Variants in SLC38A11 observed in about 807,000 individuals in gnomAD.
The protein encoded by SLC38A11 is putative sodium-coupled neutral amino acid transporter 11.
Under a neutral mutation model 49.4 loss-of-function variants are expected in SLC38A11, and 51 were observed. The ratio of observed to expected loss-of-function variants is 1.03; its 90% confidence interval spans 0.83 to 1.30. The LOEUF (loss-of-function observed/expected upper bound fraction) is 1.30, where lower values mean the gene tolerates loss of function less well. Among genes scored for constraint, SLC38A11 ranks in the 50% most tolerant of loss-of-function variants. The pLI is 0.00. For missense variants in SLC38A11, 574 were observed against 556.2 expected (o/e 1.03, Z -0.32); for synonymous variants, 203 against 192.9 (o/e 1.05, Z -0.43).
chr2:164,909,744 C>T (rs1283213630), intron 10 of SLC38A11, among the ~76,000 whole-genome samples: 1 of 151,674 alleles, frequency 6.6e-6, no homozygotes, highest in Non-Finnish European at 1.5e-5. Flanking sequence ...TGACCCTGTG[C>T]AAAAGAACAG....
At chr2:164,952,650 G>A in intron 3 of SLC38A11, 57 bp downstream of exon 3, 2 of 1,011,976 alleles carry the variant, frequency 2.0e-6, no homozygotes, top group Non-Finnish European at 3.2e-6. Context: ...GTGTGTGTAT[G>A]TGTGTAGTTA....
At chr2:164,953,843 TTTC>T (rs962189124) in intron 2 of SLC38A11, among the ~76,000 whole-genome samples, 1 of 152,196 alleles carries the variant, frequency 6.6e-6, no homozygotes, top group African/African-American at 2.4e-5. Context: ...AGGATTTTGT[TTTC>T]TTCTTGTCTT....
chr2:164,915,642 T>C, intron 8 of SLC38A11: 1 of 448,188 alleles, frequency 2.2e-6, no homozygotes, highest in South Asian at 5.9e-5. Context: ...TAACACTTGC[T>C]AGCCTTCCAA....
chr2:164,908,873 CA>C (rs1685208245), intron 10 of SLC38A11, 102 bp from the exon 11 acceptor site: 2 of 1,262,296 alleles, frequency 1.6e-6, no homozygotes, highest in South Asian at 3.4e-5. Flanking sequence ...AAAATACTAC[CA>C]ACAAGGCTAT....
intron 3 of SLC38A11, among the ~76,000 whole-genome samples, chr2:164,952,502 C>T (rs989258859): frequency 6.6e-6 from 1 of 152,182 alleles, no homozygotes. Flanking sequence ...ATATATAATG[C>T]TTTTCTACTT....
intron 3 of SLC38A11, among the ~76,000 whole-genome samples, chr2:164,948,648 A>G (rs1688301231): frequency 6.6e-6 from 1 of 152,226 alleles, no homozygotes; most frequent in African/African-American, 2.4e-5. Context: ...AAAGTAAAAC[A>G]TGAACACCTA....
At chr2:164,936,906 T>C (rs187204026) in intron 7 of SLC38A11, among the ~76,000 whole-genome samples, 173 of 152,292 alleles carry the variant, frequency 1.1e-3, no homozygotes, top group South Asian at 7.2e-3. Context: ...TCACAAATGA[T>C]GTAGTATTTT....
intron 7 of SLC38A11, among the ~76,000 whole-genome samples, chr2:164,936,689 A>T (rs1425148737): frequency 2.0e-5 from 3 of 152,108 alleles, no homozygotes; most frequent in Non-Finnish European, 4.4e-5. Context: ...GTGACTATAA[A>T]CTGCCCAGTC....
chr2:164,920,970 G>A (rs1559103726), intron 7 of SLC38A11, among the ~76,000 whole-genome samples: 1 of 151,806 alleles, frequency 6.6e-6, no homozygotes, highest in Non-Finnish European at 1.5e-5. Context: ...AAGCTAAACT[G>A]GACATCCAGA....
chr2:164,915,866 C>T, intron 8 of SLC38A11, 37 bp downstream of exon 8: 1 of 1,512,920 alleles, frequency 6.6e-7, no homozygotes, highest in African/African-American at 1.4e-5. Context: ...ACAGAGAACT[C>T]CACATTGAGA....
chr2:164,954,778 C>G, intron 1 of SLC38A11, 33 bp from the exon 2 acceptor site: 1 of 1,120,806 alleles, frequency 8.9e-7, no homozygotes. Context: ...TAAGCAAATA[C>G]TAGTTCAGAA....
rs765393324 is a variant in SLC38A11, at chr2:164,945,653, T to C, written c.304A>G (p.Thr102Ala). Residue 102 changes from threonine (T) to alanine (A), a missense_variant, in exon 4 of 12, where the codon ACT becomes GCT. Physicochemically the swap from Thr to Ala is moderately conservative, Grantham distance 58. Coordinates refer to ENST00000685975, the MANE Select transcript of SLC38A11 (RefSeq NM_001351537.2). ...AGCAGATACCCTGGAAAGCCGAAAG[T>C]TTTATTGACCAAAGACTGGTAGGTA... ...TDTYQSLVNK[T>A]FGFPGYLLLS... 6.8e-6 allele frequency: 11 copies of C among 1,611,490 alleles called. No individual in the cohort carries two copies. The highest frequency in any genetic ancestry group is 9.3e-6 in the Non-Finnish European group (11 of 1,179,436).
intron 5 of SLC38A11, among the ~76,000 whole-genome samples, chr2:164,940,303 G>A (rs1687677803): frequency 6.7e-6 from 1 of 149,122 alleles, no homozygotes; most frequent in Admixed American, 6.7e-5. Flanking sequence ...CACATAAACA[G>A]AAGTTTTAAA....
intron 3 of SLC38A11, among the ~76,000 whole-genome samples, chr2:164,952,192 T>C (rs143616057): frequency 1.3e-5 from 2 of 152,256 alleles, no homozygotes; most frequent in East Asian, 3.9e-4. Context: ...GAAGATGTGA[T>C]ACAGAAGCAA....
chr2:164,942,432 C>CAAA (rs138965956), intron 5 of SLC38A11, among the ~76,000 whole-genome samples: 7,062 of 103,154 alleles, frequency 0.068, 287 homozygotes, highest in Admixed American at 0.098. Context: ...GACTCTGTCT[C>CAAA]AAAAAAAAAA....
rs1476765548 is a variant in SLC38A11, at chr2:164,904,005, A to G, written c.1095+4635T>C. ...ATCTAAACTCATGAAATTCACTCCA[A>G]TACTTCAAAAAGAAACTCTCTCTTG... is the stretch of plus-strand genomic sequence containing the variant. On this transcript the variant is annotated intron_variant, in intron 11 of 11. Coordinates refer to ENST00000685975, the MANE Select transcript of SLC38A11 (RefSeq NM_001351537.2). Among the ~76,000 whole-genome samples the G allele has an allele frequency of 3.9e-5, 6 of 152,164 alleles. No homozygotes were observed. In the East Asian group the frequency reaches 7.7e-4, roughly 20 times the overall value.
At chr2:164,908,584 C>A in intron 11 of SLC38A11, 56 bp downstream of exon 11, 1 of 1,410,544 alleles carries the variant, frequency 7.1e-7, no homozygotes, top group Non-Finnish European at 9.4e-7. Flanking sequence ...TAAATGTAAT[C>A]ATTATCTTTT....
intron 10 of SLC38A11, among the ~76,000 whole-genome samples, chr2:164,910,693 A>G (rs1011990844): frequency 6.6e-6 from 1 of 152,114 alleles, no homozygotes; most frequent in African/African-American, 2.4e-5. Context: ...AGCTCTGTAG[A>G]TATTTCACTT....
intron 11 of SLC38A11, among the ~76,000 whole-genome samples, chr2:164,907,251 TC>T (rs1685071520): frequency 6.6e-6 from 1 of 150,630 alleles, no homozygotes; most frequent in African/African-American, 2.4e-5. Flanking sequence ...TCCATCCATT[TC>T]CCTCTGTCTT....
Sources: gnomAD v4.1 joint callset for allele counts (sites outside exome capture counted in the v4.1 genomes callset) on GRCh38, gnomAD v4.1.1 for gene constraint, MANE v1.5 for transcripts, NCBI Gene and HGNC (gene_info 2026-07-23, HGNC 2026-07-21) for gene names.